PCDH11Y: variants seen among roughly 807,000 people sequenced by gnomAD.
The protein encoded by PCDH11Y is protocadherin-11 Y-linked.
For missense variants in PCDH11Y, 12 were observed against 224.8 expected (o/e 0.05, Z 6.05); for synonymous variants, 9 against 83.6 (o/e 0.11, Z 4.87).
chrY:5,341,922 A>G, intron 2 of PCDH11Y, among the ~76,000 whole-genome samples: 1 of 26,828 alleles, frequency 3.7e-5, no homozygotes, highest in African/African-American at 1.5e-4. Flanking sequence ...GGGCCACTTT[A>G]CTCCAGCCGG....
chrY:5,542,652 C>T (rs2053408665), intron 3 of PCDH11Y, among the ~76,000 whole-genome samples: 1 of 32,527 alleles, frequency 3.1e-5, no homozygotes, highest in Non-Finnish European at 7.6e-5. Context: ...CCCCAGCTAA[C>T]GAAAAGCTAG....
At chrY:5,574,330 A>C (rs2053443629) in intron 3 of PCDH11Y, 283 of 344,129 alleles carry the variant, frequency 8.2e-4, no homozygotes, top group Non-Finnish European at 1.1e-3. Context: ...TGCCTTGGAC[A>C]GCAGCAACTC....
chrY:5,619,764 C>G, intron 4 of PCDH11Y, among the ~76,000 whole-genome samples: 1 of 31,923 alleles, frequency 3.1e-5, no homozygotes, highest in Non-Finnish European at 7.6e-5. Flanking sequence ...AAGACATCCA[C>G]TCAAAAGCAC....
intron 2 of PCDH11Y, among the ~76,000 whole-genome samples, chrY:5,392,081 G>T (rs2053221798): frequency 3.0e-5 from 1 of 33,117 alleles, no homozygotes; most frequent in Non-Finnish European, 7.4e-5. Flanking sequence ...CTTCTCTTAA[G>T]AACTTTAAAA....
At chrY:5,652,005 G>T in intron 4 of PCDH11Y, among the ~76,000 whole-genome samples, 1 of 32,985 alleles carries the variant, frequency 3.0e-5, no homozygotes, top group Non-Finnish European at 7.4e-5. Context: ...GGTCTAATTG[G>T]GTTCACAATT....
At chrY:5,045,373 C>T (rs1602847658) in intron 3 of PCDH11Y, among the ~76,000 whole-genome samples, 1 of 32,154 alleles carries the variant, frequency 3.1e-5, no homozygotes, top group Middle Eastern at 0.014. Context: ...ACTTATGAAG[C>T]TTAGTTTGGC....
intron 2 of PCDH11Y, among the ~76,000 whole-genome samples, chrY:5,374,645 A>T (rs2053196340): frequency 3.1e-5 from 1 of 32,025 alleles, no homozygotes. Flanking sequence ...ACGTGAAAAC[A>T]TTGCCATAGT....
chrY:5,138,728 C>A, intron 2 of PCDH11Y, among the ~76,000 whole-genome samples: 7 of 31,249 alleles, frequency 2.2e-4, no homozygotes, highest in Admixed American at 3.0e-4. Context: ...GACAGACCAA[C>A]AACAAGTAGC....
intron 4 of PCDH11Y, among the ~76,000 whole-genome samples, chrY:5,615,055 C>T: frequency 6.3e-5 from 2 of 31,694 alleles, no homozygotes; most frequent in East Asian, 8.4e-4. Context: ...ACCACAAGAG[C>T]GGCATGGGGG....
chrY:5,594,357 T>C, intron 4 of PCDH11Y, among the ~76,000 whole-genome samples: 1 of 31,749 alleles, frequency 3.1e-5, no homozygotes, highest in Non-Finnish European at 7.7e-5. Context: ...GCTGCTGGGC[T>C]CTGTGCCCAC....
chrY:5,387,507 C>T, intron 2 of PCDH11Y, among the ~76,000 whole-genome samples: 1 of 31,498 alleles, frequency 3.2e-5, no homozygotes, highest in Admixed American at 2.9e-4. Context: ...GCACAAAGTC[C>T]TGTGATGTGA....
At chrY:5,687,454 A>C in intron 4 of PCDH11Y, among the ~76,000 whole-genome samples, 1 of 31,294 alleles carries the variant, frequency 3.2e-5, no homozygotes, top group Non-Finnish European at 7.8e-5. Context: ...TACAAAAAAA[A>C]TTAGCCCGGC....
chrY:5,533,440 A>G, intron 3 of PCDH11Y, among the ~76,000 whole-genome samples: 2 of 33,802 alleles, frequency 5.9e-5, no homozygotes, highest in African/African-American at 1.2e-4. Context: ...AAGAAAATTT[A>G]GTTTTATATT....
intron 2 of PCDH11Y, among the ~76,000 whole-genome samples, chrY:5,164,265 C>A (rs2052877153): frequency 3.2e-5 from 1 of 31,475 alleles, no homozygotes. Flanking sequence ...CTGAGCTCAA[C>A]TGATACTCTT....
At chrY:5,501,511 A>T in intron 3 of PCDH11Y, among the ~76,000 whole-genome samples, 5 of 33,602 alleles carry the variant, frequency 1.5e-4, no homozygotes, top group African/African-American at 5.8e-4. Flanking sequence ...TTTTCCATTT[A>T]TGTACACCTG....
chrY:5,736,723 C>A (rs2124715815), intron 4 of PCDH11Y, among the ~76,000 whole-genome samples: 1 of 32,655 alleles, frequency 3.1e-5, no homozygotes, highest in East Asian at 7.9e-4. Flanking sequence ...ATGATTCCAG[C>A]AAATAAAGAA....
chrY:5,519,462 A>G (rs2124690014), intron 3 of PCDH11Y, among the ~76,000 whole-genome samples: 1 of 31,890 alleles, frequency 3.1e-5, no homozygotes, highest in East Asian at 8.1e-4. Context: ...ATTTATATGC[A>G]TATAGATGAT....
intron 1 of PCDH11Y, among the ~76,000 whole-genome samples, chrY:5,096,906 G>A (rs1602862444): frequency 9.3e-5 from 2 of 21,413 alleles, no homozygotes; most frequent in East Asian, 2.3e-3. Flanking sequence ...GTAGAGACGG[G>A]GTTTCCCCGT....
At chrY:5,622,993 G>A in intron 4 of PCDH11Y, 1 of 116,496 alleles carries the variant, frequency 8.6e-6, no homozygotes, top group East Asian at 2.7e-4. Context: ...AACCACGATG[G>A]CACATGTTTA....
Sources: allele counts gnomAD v4.1 joint callset (sites outside exome capture counted in the v4.1 genomes callset), GRCh38; gene constraint gnomAD v4.1.1; transcripts MANE v1.5; gene names NCBI Gene and HGNC (gene_info 2026-07-23, HGNC 2026-07-21).